The following CAMSAP1 variants were observed in gnomAD, a reference collection of about 807,000 sequenced individuals.
The protein encoded by CAMSAP1 is calmodulin-regulated spectrin-associated protein 1.
In CAMSAP1, 58 loss-of-function variants were observed where a neutral mutation model predicts 143.5. That is an observed-to-expected ratio of 0.40 (90% CI 0.33 to 0.50). The LOEUF (loss-of-function observed/expected upper bound fraction) is 0.50, where lower values mean the gene tolerates loss of function less well. Ranked by LOEUF, CAMSAP1 falls within the 20% of genes least tolerant of loss-of-function variation. The probability of loss-of-function intolerance (pLI) is 0.45; values close to 1 mark genes in which losing one functional copy is unlikely to be tolerated. For missense variants in CAMSAP1, 1,969 were observed against 2,115.7 expected (o/e 0.93, Z 1.36); for synonymous variants, 945 against 859.3 (o/e 1.10, Z -1.74).
intron 7 of CAMSAP1, among the ~76,000 whole-genome samples, chr9:135,828,986 A>G (rs1469004948): frequency 6.6e-6 from 1 of 152,246 alleles, no homozygotes; most frequent in Non-Finnish European, 1.5e-5. Context: ...GAGGAAATAA[A>G]AACATTCCCG....
intron 3 of CAMSAP1, among the ~76,000 whole-genome samples, chr9:135,875,013 T>C (rs1310988616): frequency 6.6e-6 from 1 of 152,138 alleles, no homozygotes; most frequent in Non-Finnish European, 1.5e-5. Flanking sequence ...GTGAAGCTGT[T>C]AGGTCTACAC....
At chr9:135,847,207 TA>T (rs1398590389) in intron 7 of CAMSAP1, among the ~76,000 whole-genome samples, 1 of 151,120 alleles carries the variant, frequency 6.6e-6, no homozygotes, top group Admixed American at 6.6e-5. Context: ...ACAAAAAAAT[TA>T]GCTGGGCATG....
intron 6 of CAMSAP1, 44 bp from the exon 7 acceptor site, chr9:135,850,277 T>C (rs1474312373): frequency 6.2e-7 from 1 of 1,612,814 alleles, no homozygotes; most frequent in Non-Finnish European, 8.5e-7. Context: ...AAGCAGTTTA[T>C]TCACACATGG....
chr9:135,850,520 A>C, intron 5 of CAMSAP1, 59 bp from the exon 6 acceptor site: 1 of 1,377,236 alleles, frequency 7.3e-7, no homozygotes, highest in Non-Finnish European at 9.8e-7. Context: ...CGAGAGAGAG[A>C]GAAGCATTCT....
Position 135,810,174 on chromosome 9 carries a change from GA to G in CAMSAP1, c.*1134del, listed in dbSNP as rs1255179622. The G allele has an allele frequency of 6.6e-6, 1 of 152,464 alleles. No homozygotes were observed. The highest frequency in any genetic ancestry group is 2.4e-5 in the African/African-American group (1 of 41,458). The allele number at this position is 152,464 out of a possible 1,614,324, so 9.4% of individuals were successfully genotyped here. A position where few individuals can be genotyped will look rare whatever the true frequency, so the allele number is the denominator to read the frequency against. ...CATCAACACCATTGGGACCAAGGCA[GA>G]AAGAACCCAAAGCCATCCACTTACT... On this transcript the variant is annotated 3_prime_UTR_variant, in exon 17 of 17. Transcript: ENST00000389532.
At chr9:135,865,083 G>A (rs1248956871) in intron 4 of CAMSAP1, among the ~76,000 whole-genome samples, 1 of 152,156 alleles carries the variant, frequency 6.6e-6, no homozygotes, top group African/African-American at 2.4e-5. Flanking sequence ...TTACGTGCAC[G>A]TTGATCACTT....
At chr9:135,817,853 A>G in intron 14 of CAMSAP1, 124 bp downstream of exon 14, 1 of 758,464 alleles carries the variant, frequency 1.3e-6, no homozygotes, top group Non-Finnish European at 2.1e-6. Context: ...CTATTCTGTA[A>G]ATGTGAAATT....
intron 7 of CAMSAP1, among the ~76,000 whole-genome samples, chr9:135,832,038 CAGA>C (rs761179280): frequency 1.2e-4 from 19 of 152,242 alleles, no homozygotes; most frequent in Non-Finnish European, 2.2e-4. Context: ...TTCCAAAAAA[CAGA>C]AGAAGAAACA....
At chr9:135,903,328 A>T (rs1168534740) in intron 1 of CAMSAP1, among the ~76,000 whole-genome samples, 4 of 152,256 alleles carry the variant, frequency 2.6e-5, no homozygotes, top group African/African-American at 9.6e-5. Context: ...TGTCCAATAC[A>T]TTATTTCTTT....
intron 8 of CAMSAP1, among the ~76,000 whole-genome samples, chr9:135,825,864 C>T (rs1222962121): frequency 6.6e-6 from 1 of 152,136 alleles, no homozygotes; most frequent in Non-Finnish European, 1.5e-5. Context: ...GACACAGACA[C>T]CAAAGAGACA....
Position 135,822,167 on chromosome 9 carries a change from A to G in CAMSAP1, c.2494T>C (p.Ser832Pro), listed in dbSNP as rs72771924. Reference protein sequence around the residue: ...LQRLNSCETKSSTSSSQKTTP... With the variant: ...LQRLNSCETKPSTSSSQKTTP... ...GTCTTCTGGGAGCTGCTGGTGCTGG[A>G]CTTGGTCTCACAGCTGTTGAGTCTC... is the stretch of plus-strand genomic sequence containing the variant. The change falls in exon 11 of 17, where the codon TCC becomes CCC. Residue 832 changes from serine (S) to proline (P), a missense_variant. By Grantham distance (74) the Ser-to-Pro change is moderately conservative (BLOSUM62 -1). Around this residue, in one of 4 missense-constraint regions of CAMSAP1, gnomAD observed 1,390 missense variants for 1,420.8 expected, o/e 0.98. Coordinates refer to ENST00000389532, the MANE Select transcript of CAMSAP1 (RefSeq NM_015447.4). The surrounding 1 kb of genome is among the most constrained non-coding windows in gnomAD (Gnocchi z 6.1). The G allele has an allele frequency of 1.2e-6, 2 of 1,613,672 alleles. No individual in the cohort carries two copies. The highest frequency in any genetic ancestry group is 8.5e-7 in the Non-Finnish European group (1 of 1,179,878).
At position 135,888,305 on chromosome 9, in the gene CAMSAP1, G is replaced by A. The variant is rs76886760; in HGVS notation, c.161-5227C>T. Among the ~76,000 whole-genome samples the A allele has an allele frequency of 6.5e-4, 99 of 152,358 alleles. 3 individuals are homozygous for A. In the East Asian group the frequency reaches 0.018, roughly 28 times the overall value. The stretch of plus-strand genomic sequence containing the variant: ...TGAGGATGAAAAGGCAGGTCAGGAA[G>A]TGGCCATCTGTCGACTGCAGCCCTC... On this transcript the variant is annotated intron_variant, in intron 1 of 16. Transcript: ENST00000389532.
intron 1 of CAMSAP1, among the ~76,000 whole-genome samples, chr9:135,898,219 G>T (rs543069465): frequency 6.6e-6 from 1 of 152,208 alleles, no homozygotes; most frequent in Non-Finnish European, 1.5e-5. Context: ...TCTGTACCTG[G>T]ATTAGATAAA....
At chr9:135,816,138 G>A (rs1373692219) in intron 14 of CAMSAP1, 133 bp from the exon 15 acceptor site, 2 of 722,418 alleles carry the variant, frequency 2.8e-6, no homozygotes, top group Non-Finnish European at 4.7e-6. Context: ...GACGGTGGGG[G>A]CTCGAGTTGC....
intron 1 of CAMSAP1, among the ~76,000 whole-genome samples, chr9:135,906,699 G>A (rs1019058078): frequency 6.6e-6 from 1 of 151,828 alleles, no homozygotes; most frequent in African/African-American, 2.4e-5. Flanking sequence ...GAACCGGGCA[G>A]CTCCTTCCCG....
At chr9:135,816,596 A>C (rs1835237653) in intron 14 of CAMSAP1, among the ~76,000 whole-genome samples, 2 of 152,218 alleles carry the variant, frequency 1.3e-5, no homozygotes, top group Admixed American at 6.5e-5. Context: ...GTCTGAATCC[A>C]GCCAGGGTAA....
At chr9:135,856,345 T>A (rs999660253) in intron 5 of CAMSAP1, among the ~76,000 whole-genome samples, 2 of 152,190 alleles carry the variant, frequency 1.3e-5, no homozygotes, top group Non-Finnish European at 2.9e-5. Context: ...TCAGATCTCA[T>A]GAGATTTATT....
chr9:135,817,756 G>A (rs1393076889), intron 14 of CAMSAP1: 3 of 529,676 alleles, frequency 5.7e-6, no homozygotes, highest in Non-Finnish European at 1.0e-5. Flanking sequence ...GGGGGACAGG[G>A]GAGGGTGATA....
intron 7 of CAMSAP1, among the ~76,000 whole-genome samples, chr9:135,839,815 C>A (rs1311736009): frequency 2.6e-5 from 4 of 152,122 alleles, no homozygotes; most frequent in South Asian, 2.1e-4. Context: ...CCGAGCCCCT[C>A]TCTACAGCCA....
Sources: allele counts gnomAD v4.1 joint callset (sites outside exome capture counted in the v4.1 genomes callset), GRCh38; gene constraint gnomAD v4.1.1; regional missense constraint gnomAD v4.1.1; non-coding constraint Gnocchi (gnomAD v3.1); transcripts MANE v1.5; gene names NCBI Gene and HGNC (gene_info 2026-07-23, HGNC 2026-07-21).